GATA4: variants seen among roughly 807,000 people sequenced by gnomAD.
GATA4 encodes the protein GATA binding protein 4.
In GATA4, 7 loss-of-function variants were observed where a neutral mutation model predicts 37.9. That is an observed-to-expected ratio of 0.18 (90% CI 0.11 to 0.35). The LOEUF (loss-of-function observed/expected upper bound fraction) is 0.35. Among genes scored for constraint, GATA4 ranks in the 10% least tolerant of loss-of-function variants. The probability of loss-of-function intolerance (pLI) is 1.00; values close to 1 mark genes in which losing one functional copy is unlikely to be tolerated. For synonymous variants in GATA4, 372 were observed against 292.6 expected, an observed-to-expected ratio of 1.27 and a Z score of -2.77; for missense variants, 647 against 653.0, an observed-to-expected ratio of 0.99 and a Z score of 0.10.
intron 2 of GATA4, among the ~76,000 whole-genome samples, chr8:11,748,561 G>C (rs553121320): frequency 1.2e-3 from 188 of 152,250 alleles, no homozygotes; most frequent in African/African-American, 3.9e-3. Context: ...AACTTTGAAA[G>C]GGAAAAAGAG....
intron 1 of GATA4, among the ~76,000 whole-genome samples, chr8:11,682,061 A>T (rs1475467265): frequency 6.6e-6 from 1 of 152,254 alleles, no homozygotes; most frequent in East Asian, 1.9e-4. Context: ...TCTGGATATT[A>T]AACTGCACAG....
intron 2 of GATA4, among the ~76,000 whole-genome samples, chr8:11,728,894 C>T (rs2001470): frequency 0.13 from 19,603 of 152,166 alleles, 2,520 homozygotes; most frequent in East Asian, 0.71. Flanking sequence ...TTTAGATAAG[C>T]ACAGACTAAT....
intron 1 of GATA4, chr8:11,680,699 GA>G: frequency 1.0e-6 from 1 of 985,330 alleles, no homozygotes; most frequent in Non-Finnish European, 1.2e-6. Flanking sequence ...GGGGAGACCG[GA>G]ATCCTCCAGC....
chr8:11,708,040 G>A lies in GATA4; in HGVS notation c.-273G>A. ...GTGCGCCGGACCTTCAGGCCCTGGG[G>A]TGAATTCAGCTGCTCCTACATCAGC... On this transcript the variant is annotated 5_prime_UTR_variant, in exon 2 of 7. The change creates a new upstream start codon in the 5' untranslated region. Coordinates refer to ENST00000532059, the MANE Select transcript of GATA4 (RefSeq NM_001308093.3). This position sits in a 1 kb window ranked among gnomAD's most constrained non-coding sequence, Gnocchi z 6.7. 1.9e-6 allele frequency: 1 copy of A among 513,644 alleles called. No homozygotes were observed. The highest frequency in any genetic ancestry group is 1.9e-5 in the South Asian group (1 of 51,294). 31.8% of individuals were successfully genotyped at this position (513,644 alleles called of 1,614,324 possible).
chr8:11,692,246 C>T (rs1286068274), upstream of GATA4, among the ~76,000 whole-genome samples: 1 of 152,188 alleles, frequency 6.6e-6, no homozygotes, highest in Non-Finnish European at 1.5e-5. Flanking sequence ...GGAAACTGAG[C>T]GCAGGGGTGG....
intron 2 of GATA4, among the ~76,000 whole-genome samples, chr8:11,719,042 T>C (rs1800555163): frequency 6.6e-6 from 1 of 152,208 alleles, no homozygotes; most frequent in Admixed American, 6.5e-5. Context: ...TCATTTTAGA[T>C]AAAAAAGAGT....
intron 1 of GATA4, among the ~76,000 whole-genome samples, chr8:11,679,520 G>C (rs1196632358): frequency 6.6e-6 from 1 of 152,234 alleles, no homozygotes; most frequent in Non-Finnish European, 1.5e-5. Context: ...GGCTGGCGGC[G>C]GAATGAAAAG....
intron 2 of GATA4, among the ~76,000 whole-genome samples, chr8:11,733,002 T>C (rs1280606181): frequency 6.6e-6 from 1 of 152,158 alleles, no homozygotes; most frequent in Non-Finnish European, 1.5e-5. Flanking sequence ...CAGGAGTAAA[T>C]TTCCTTGTTA....
At chr8:11,747,587 C>CT (rs1279249170) in intron 2 of GATA4, among the ~76,000 whole-genome samples, 1 of 152,004 alleles carries the variant, frequency 6.6e-6, no homozygotes, top group African/African-American at 2.4e-5. Flanking sequence ...ATGAATGAAG[C>CT]TTTTTTTGCA....
chr8:11,706,497 A>G (rs1341930135), intron 1 of GATA4, among the ~76,000 whole-genome samples: 1 of 152,238 alleles, frequency 6.6e-6, no homozygotes, highest in Admixed American at 6.5e-5. Context: ...CCTAAGCTTC[A>G]CGATGACTCT....
At position 11,713,908 on chromosome 8, in the gene GATA4, G is replaced by A. The variant is rs913595552; in HGVS notation, c.616+4980G>A. On this transcript the variant is annotated intron_variant, in intron 2 of 6. Coordinates refer to ENST00000532059, the MANE Select transcript of GATA4 (RefSeq NM_001308093.3). ...GAGAACGTAGCTGTTTCCTTTTAAAGAACCCAGTCACGGTGGTTACACGTG... is the reference window on the plus strand; with the variant it reads ...GAGAACGTAGCTGTTTCCTTTTAAAAAACCCAGTCACGGTGGTTACACGTG... 5.9e-5 allele frequency among the ~76,000 whole-genome samples: 9 copies of A among 152,188 alleles called. No individual in the cohort carries two copies. In the South Asian group the frequency reaches 1.9e-3, roughly 32 times the overall value.
At chr8:11,705,065 A>G (rs542429951) in intron 1 of GATA4, among the ~76,000 whole-genome samples, 80 of 152,158 alleles carry the variant, frequency 5.3e-4, no homozygotes, top group African/African-American at 1.8e-3. Context: ...CCGTGGGCAG[A>G]GGGGGGTGCC....
intron 2 of GATA4, among the ~76,000 whole-genome samples, chr8:11,714,920 A>G (rs1405704854): frequency 1.3e-5 from 2 of 152,152 alleles, no homozygotes; most frequent in Non-Finnish European, 1.5e-5. Flanking sequence ...TAAAATTGCA[A>G]AGTAGACAGC....
chr8:11,684,226 G>C (rs1799068631), intron 1 of GATA4, among the ~76,000 whole-genome samples: 1 of 152,226 alleles, frequency 6.6e-6, no homozygotes, highest in African/African-American at 2.4e-5. Flanking sequence ...GATATTTGCT[G>C]CCAGGTGAGA....
intron 2 of GATA4, among the ~76,000 whole-genome samples, chr8:11,741,945 C>T (rs977272060): frequency 6.6e-5 from 10 of 152,304 alleles, no homozygotes; most frequent in South Asian, 2.1e-4. Context: ...GCTGGTGGGA[C>T]GCTGGCCTGC....
Position 11,707,197 on chromosome 8 carries a change from C to T in GATA4, c.-457-659C>T, listed in dbSNP as rs1164601092. ...CTAAATTGTAACTATTTGCAAGAAA[C>T]CTGTAACTTGTCCGATTTGACGTCC... On this transcript the variant is annotated intron_variant, in intron 1 of 6. Transcript: ENST00000532059. This position sits in a 1 kb window ranked among gnomAD's most constrained non-coding sequence, Gnocchi z 4.7. 6.6e-6 allele frequency among the ~76,000 whole-genome samples: 1 copy of T among 152,160 alleles called. No homozygotes were observed. The highest frequency in any genetic ancestry group is 1.9e-4 in the East Asian group (1 of 5,198).
At chr8:11,693,268 C>G (rs766397544) in intron 1 of GATA4, among the ~76,000 whole-genome samples, 34 of 152,080 alleles carry the variant, frequency 2.2e-4, no homozygotes, top group Non-Finnish European at 4.6e-4. Context: ...CAGATAGAGA[C>G]CAGCCTGGGC....
upstream of GATA4, among the ~76,000 whole-genome samples, chr8:11,702,620 T>A (rs1018414293): frequency 9.3e-5 from 14 of 150,234 alleles, no homozygotes; most frequent in African/African-American, 3.4e-4. This position sits in a 1 kb window ranked among gnomAD's most constrained non-coding sequence, Gnocchi z 4.4. Flanking sequence ...CCCTTCAGCC[T>A]TAAGTTCCCA....
intron 2 of GATA4, among the ~76,000 whole-genome samples, chr8:11,739,856 T>C (rs944656767): frequency 1.3e-5 from 2 of 152,172 alleles, no homozygotes; most frequent in Non-Finnish European, 2.9e-5. Context: ...TTTTCTCTTA[T>C]GGATATTCAC....
Sources: gnomAD v4.1 joint callset for allele counts (sites outside exome capture counted in the v4.1 genomes callset) on GRCh38, gnomAD v4.1.1 for gene constraint, Gnocchi (gnomAD v3.1) non-coding constraint, MANE v1.5 for transcripts, NCBI Gene and HGNC (gene_info 2026-07-23, HGNC 2026-07-21) for gene names.